Variants in ACYP2 observed in about 807,000 individuals in gnomAD.
The protein encoded by ACYP2 is acylphosphatase-2.
Under a neutral mutation model 11.2 loss-of-function variants are expected in ACYP2, and 12 were observed. The ratio of observed to expected loss-of-function variants is 1.08; its 90% confidence interval spans 0.69 to 1.74. The LOEUF is 1.74. ACYP2 is among the 40% of genes most tolerant of loss of function. The pLI is 0.00. For missense variants in ACYP2, 134 were observed against 101.9 expected (o/e 1.31, Z -1.35); for synonymous variants, 43 against 32.2 (o/e 1.33, Z -1.13).
At chr2:54,216,336 G>A (rs1177200739) in intron 6 of ACYP2, among the ~76,000 whole-genome samples, 2 of 152,032 alleles carry the variant, frequency 1.3e-5, no homozygotes, top group African/African-American at 4.8e-5. Context: ...TTTTTGGCTT[G>A]TCTAACAGCT....
chr2:54,118,708 T>C (rs1215922548), intron 4 of ACYP2, among the ~76,000 whole-genome samples: 1 of 152,248 alleles, frequency 6.6e-6, no homozygotes, highest in Non-Finnish European at 1.5e-5. Flanking sequence ...AGAAACGTAC[T>C]ATACATAAAT....
intron 2 of ACYP2, among the ~76,000 whole-genome samples, chr2:54,033,472 C>G (rs987577299): frequency 2.0e-5 from 3 of 152,084 alleles, no homozygotes; most frequent in Admixed American, 2.0e-4. Flanking sequence ...CTCAGCCTCC[C>G]AGTGAATTAA....
At chr2:54,052,966 A>G (rs1054662218) in intron 3 of ACYP2, among the ~76,000 whole-genome samples, 1 of 152,232 alleles carries the variant, frequency 6.6e-6, no homozygotes, top group Admixed American at 6.5e-5. Flanking sequence ...CTATTAAAAC[A>G]TATCTGGGCC....
intron 6 of ACYP2, among the ~76,000 whole-genome samples, chr2:54,159,498 G>A (rs1374528707): frequency 2.0e-5 from 3 of 151,758 alleles, no homozygotes; most frequent in South Asian, 2.1e-4. Flanking sequence ...ATGAGCCACC[G>A]CACCCAGCCA....
chr2:54,107,876 C>T (rs1209255799), intron 4 of ACYP2, among the ~76,000 whole-genome samples: 1 of 152,198 alleles, frequency 6.6e-6, no homozygotes, highest in African/African-American at 2.4e-5. Flanking sequence ...TCTACTGATC[C>T]TGCAATAGGA....
At chr2:54,188,592 ATT>A (rs1384891089) in intron 6 of ACYP2, among the ~76,000 whole-genome samples, 2 of 152,198 alleles carry the variant, frequency 1.3e-5, no homozygotes. Context: ...TGGGTATAGA[ATT>A]TTTTATGTAG....
rs942053117 is a variant in ACYP2, at chr2:54,015,948, A to G, written c.63-35010A>G. Among the ~76,000 whole-genome samples, 272 of 152,060 alleles carry G rather than the reference A, an allele frequency of 1.8e-3. 1 individual carries two copies. The highest frequency in any genetic ancestry group is 6.1e-3 in the African/African-American group (253 of 41,472). The stretch of plus-strand genomic sequence containing the variant: ...CCAAAGTGCTGGGATTATGGCTGGG[A>G]GATACCACACCCAGCTAACTAGAAT... On this transcript the variant is annotated intron_variant, in intron 2 of 6. Coordinates refer to ENST00000607452, the MANE Select transcript of ACYP2 (RefSeq NM_001320586.2).
chr2:54,005,376 G>C (rs1673011047), intron 2 of ACYP2, among the ~76,000 whole-genome samples: 1 of 140,698 alleles, frequency 7.1e-6, no homozygotes, highest in South Asian at 2.2e-4. Flanking sequence ...GTCTTATTCT[G>C]TTTCCCAGGC....
At chr2:54,290,624 T>G (rs1305201528) in intron 6 of ACYP2, among the ~76,000 whole-genome samples, 2 of 151,678 alleles carry the variant, frequency 1.3e-5, no homozygotes, top group Non-Finnish European at 2.9e-5. Flanking sequence ...CTGCTATGAG[T>G]GGGCCACAAT....
At chr2:54,052,375 G>A (rs1033205568) in intron 3 of ACYP2, among the ~76,000 whole-genome samples, 4 of 151,922 alleles carry the variant, frequency 2.6e-5, no homozygotes, top group African/African-American at 7.3e-5. Flanking sequence ...TTGAAAATGT[G>A]GCTAAAACTG....
chr2:54,018,928 C>T (rs1202536441), intron 2 of ACYP2, among the ~76,000 whole-genome samples: 3 of 151,352 alleles, frequency 2.0e-5, no homozygotes, highest in Non-Finnish European at 2.9e-5. Flanking sequence ...TTGTATTTTT[C>T]GAAGAGATGG....
At chr2:53,982,296 T>C (rs551407809) in intron 2 of ACYP2, among the ~76,000 whole-genome samples, 2 of 152,356 alleles carry the variant, frequency 1.3e-5, no homozygotes, top group South Asian at 4.1e-4. Flanking sequence ...TCTATTTCTT[T>C]GTACTAAGCA....
chr2:54,190,386 T>A (rs1684191217), intron 6 of ACYP2, among the ~76,000 whole-genome samples: 1 of 152,092 alleles, frequency 6.6e-6, no homozygotes, highest in Non-Finnish European at 1.5e-5. Flanking sequence ...CTTGAAAGAC[T>A]TGTCTCTCAT....
At chr2:54,010,640 G>GA (rs1673309906) in intron 2 of ACYP2, among the ~76,000 whole-genome samples, 1 of 151,680 alleles carries the variant, frequency 6.6e-6, no homozygotes, top group Non-Finnish European at 1.5e-5. Context: ...AAAGAGAAGA[G>GA]AGTGGTGTTA....
chr2:54,170,100 A>G (rs1385306066), intron 6 of ACYP2, among the ~76,000 whole-genome samples: 1 of 152,100 alleles, frequency 6.6e-6, no homozygotes, highest in Non-Finnish European at 1.5e-5. Flanking sequence ...TTTTAGAACT[A>G]TGTAAGTTGT....
At chr2:54,180,375 C>T (rs1683653828) in intron 6 of ACYP2, among the ~76,000 whole-genome samples, 1 of 152,012 alleles carries the variant, frequency 6.6e-6, no homozygotes, top group African/African-American at 2.4e-5. Flanking sequence ...GGCTGAATAT[C>T]TTAAACCTGT....
At chr2:54,146,647 A>G (rs1284398198) in intron 6 of ACYP2, among the ~76,000 whole-genome samples, 1 of 151,020 alleles carries the variant, frequency 6.6e-6, no homozygotes, top group Non-Finnish European at 1.5e-5. Context: ...TTGTCTTCCA[A>G]CCTTTCTATT....
At chr2:54,272,597 C>G (rs549416931) in intron 6 of ACYP2, among the ~76,000 whole-genome samples, 13 of 152,194 alleles carry the variant, frequency 8.5e-5, no homozygotes, top group South Asian at 2.1e-4. Flanking sequence ...TCCTTCACGA[C>G]CAGTGGTCTT....
chr2:54,217,858 A>G (rs1352201327), intron 6 of ACYP2, among the ~76,000 whole-genome samples: 1 of 152,202 alleles, frequency 6.6e-6, no homozygotes, highest in Non-Finnish European at 1.5e-5. Context: ...TGAGGGTTGA[A>G]AAAAGCTAGT....
Sources: gnomAD v4.1 joint callset for allele counts (sites outside exome capture counted in the v4.1 genomes callset) on GRCh38, gnomAD v4.1.1 for gene constraint, MANE v1.5 for transcripts, NCBI Gene and HGNC (gene_info 2026-07-23, HGNC 2026-07-21) for gene names.